F2: variants seen among roughly 807,000 people sequenced by gnomAD.
The protein encoded by F2 is coagulation factor II, thrombin.
A neutral mutation model predicts 81.9 loss-of-function variants in F2; 34 were observed. The ratio of observed to expected loss-of-function variants is 0.42; its 90% CI spans 0.32 to 0.55. The LOEUF is 0.55. Among genes scored for constraint, F2 ranks in the 20% least tolerant of loss-of-function variants. The pLI is 0.18. For synonymous variants in F2, 296 were observed against 326.4 expected (o/e 0.91, Z 1.01); for missense variants, 630 against 833.4 (o/e 0.76, Z 3.00).
At chr11:46,738,918 T>C in intron 12 of F2, 130 bp from the exon 13 acceptor site, 1 of 892,570 alleles carries the variant, frequency 1.1e-6, no homozygotes, top group Non-Finnish European at 1.9e-6. Flanking sequence ...ATTGGATGGG[T>C]AGGGTGAGGA....
chr11:46,730,240 C>T (rs977091854), intron 12 of F2, among the ~76,000 whole-genome samples: 2 of 152,072 alleles, frequency 1.3e-5, no homozygotes, highest in Admixed American at 6.6e-5. Flanking sequence ...GCGGAGGTTG[C>T]AGTGAGCTGA....
At position 46,723,047 on chromosome 11, in the gene F2, A is replaced by G; in HGVS notation, c.317-133A>G. On this transcript the variant is annotated intron_variant, in intron 4 of 13. Coordinates refer to ENST00000311907, the MANE Select transcript of F2 (RefSeq NM_000506.5). This position sits in a 1 kb window ranked among gnomAD's most constrained non-coding sequence, Gnocchi z 5.6. ...ATGGGAGAACTGCTGGTTGCAGAGGAAGAGGGGCTGGGTGAATGCAGGTTC... is the reference window on the plus strand; with the variant it reads ...ATGGGAGAACTGCTGGTTGCAGAGGGAGAGGGGCTGGGTGAATGCAGGTTC... 1.2e-6 allele frequency: 1 copy of G among 810,304 alleles called. No homozygotes were observed. The highest frequency in any genetic ancestry group is 2.2e-6 in the Non-Finnish European group (1 of 451,600). 50.2% of individuals were successfully genotyped at this position (810,304 alleles called of 1,614,324 possible). A position where few individuals can be genotyped will look rare whatever the true frequency, so the allele number is the denominator to read the frequency against.
In F2 at chr11:46,723,369, T is replaced by C. The variant is rs767205473; in HGVS notation, c.423-13T>C. On this transcript the variant is annotated splice_polypyrimidine_tract_variant and intron_variant, in intron 5 of 13. Coordinates refer to ENST00000311907, the MANE Select transcript of F2 (RefSeq NM_000506.5). This position sits in a 1 kb window ranked among gnomAD's most constrained non-coding sequence, Gnocchi z 5.6. ...AGCCCAACAGCCTCCTGTTGGGCAA[T>C]TTCCTGTTCCAGAATCAACTCCACT... 6.2e-7 allele frequency: 1 copy of C among 1,613,350 alleles called. No homozygotes were observed. Among genetic ancestry groups the C allele is most frequent in the Non-Finnish European group, 8.5e-7 (1 of 1,179,466 alleles).
intron 2 of F2, chr11:46,720,317 T>G (rs937671360): frequency 6.3e-6 from 4 of 632,146 alleles, no homozygotes; most frequent in Non-Finnish European, 1.1e-5. Flanking sequence ...TCTTTCAGTC[T>G]CGGTGTGTGT....
chr11:46,724,208 C>T (rs2064857469), intron 6 of F2, among the ~76,000 whole-genome samples: 1 of 152,140 alleles, frequency 6.6e-6, no homozygotes, highest in Admixed American at 6.5e-5. Context: ...TTATTATTTC[C>T]TTGGTGTGTT....
Position 46,726,952 on chromosome 11 carries a change from T to A in F2, c.1130+115T>A, listed in dbSNP as rs886725703. 15 of 1,523,274 alleles carry A rather than the reference T, an allele frequency of 9.8e-6. No homozygotes were observed. The highest frequency in any genetic ancestry group is 1.3e-5 in the Non-Finnish European group (15 of 1,113,776). The allele number at this position is 1,523,274 out of a possible 1,614,324, so 94.4% of individuals were successfully genotyped here. On this transcript the variant is annotated intron_variant, in intron 9 of 13. Coordinates refer to ENST00000311907, the MANE Select transcript of F2 (RefSeq NM_000506.5). The surrounding 1 kb of genome is among the most constrained non-coding windows in gnomAD (Gnocchi z 5.9). ...CTTTACAGATGACAACAGCTGAGCA[T>A]CCAGGATCCCACCAACTCCACACAG...
chr11:46,730,469 G>A (rs2064904345), intron 12 of F2, among the ~76,000 whole-genome samples: 1 of 151,704 alleles, frequency 6.6e-6, no homozygotes, highest in African/African-American at 2.4e-5. Flanking sequence ...GCCCTGAGGT[G>A]GGAGCACTCT....
At position 46,728,066 on chromosome 11, in the gene F2, G is replaced by A. The variant is rs2064887165; in HGVS notation, c.1201G>A (p.Val401Ile). ...CGASLISDRW[V>I]LTAAHCLLYP... ...GGCCAGCCTCATCAGTGACCGCTGG[G>A]TCCTCACCGCCGCCCACTGCCTCCT... is the stretch of plus-strand genomic sequence containing the variant. Residue 401 changes from valine to isoleucine, a missense_variant, in exon 10 of 14, where the codon GTC (valine) becomes ATC (isoleucine). Transcript: ENST00000311907. This position sits in a 1 kb window ranked among gnomAD's most constrained non-coding sequence, Gnocchi z 5.1. 3 of 1,610,836 alleles carry A rather than the reference G, an allele frequency of 1.9e-6. No individual in the cohort carries two copies. In the East Asian group the frequency reaches 6.7e-5, roughly 36 times the overall value.
chr11:46,723,145 A>G lies in F2; in HGVS notation c.317-35A>G, dbSNP rs1175345596. 1 of 1,589,188 alleles carries G rather than the reference A, an allele frequency of 6.3e-7. No individual in the cohort carries two copies. ...GCAGGGAGAGAGGAAATAAGTCCCC[A>G]GGCTCCAAGGCTGACCGGGGTGGGG... is the stretch of plus-strand genomic sequence containing the variant. On this transcript the variant is annotated intron_variant, in intron 4 of 13. Transcript: ENST00000311907. The surrounding 1 kb of genome is among the most constrained non-coding windows in gnomAD (Gnocchi z 5.6).
At chr11:46,732,645 C>T (rs999127301) in intron 12 of F2, among the ~76,000 whole-genome samples, 4 of 152,016 alleles carry the variant, frequency 2.6e-5, no homozygotes, top group South Asian at 2.1e-4. Context: ...GTGATCCGCC[C>T]GCCTCAGCCT....
rs571418130 is a variant in F2 at position 46,728,457 on chromosome 11, G to A, written c.1299-207G>A. On this transcript the variant is annotated intron_variant, in intron 10 of 13. Coordinates refer to ENST00000311907, the MANE Select transcript of F2 (RefSeq NM_000506.5). The surrounding 1 kb of genome is among the most constrained non-coding windows in gnomAD (Gnocchi z 5.1). ...GCGTGCAGCCTGTGCCCCTGTCCCCGTCCTCCAGGCTGTCTGACTCCAAAG... is the reference window on the plus strand; with the variant it reads ...GCGTGCAGCCTGTGCCCCTGTCCCCATCCTCCAGGCTGTCTGACTCCAAAG... Among the ~76,000 whole-genome samples, 2 of 152,212 alleles carry A rather than the reference G, an allele frequency of 1.3e-5. No individual in the cohort carries two copies. Among genetic ancestry groups the A allele is most frequent in the Admixed American group, 6.5e-5 (1 of 15,298 alleles).
chr11:46,720,811 C>T lies in F2; in HGVS notation c.287C>T (p.Pro96Leu). 6.2e-7 allele frequency: 1 copy of T among 1,614,066 alleles called. No individual in the cohort carries two copies. The highest frequency in any genetic ancestry group is 8.5e-7 in the Non-Finnish European group (1 of 1,180,044). ...KYTACETART[P>L]RDKLAACLEG... ...CCAGCTTGTGAGACAGCGAGGACGCCTCGAGATAAGCTTGCTGCATGTCTG... is the reference window on the plus strand; with the variant it reads ...CCAGCTTGTGAGACAGCGAGGACGCTTCGAGATAAGCTTGCTGCATGTCTG... Residue 96 changes from proline (P) to leucine (L), a missense_variant, in exon 4 of 14, where the codon CCT becomes CTT. Physicochemically the swap from Pro to Leu is moderately conservative, Grantham distance 98. Coordinates refer to ENST00000311907, the MANE Select transcript of F2 (RefSeq NM_000506.5).
chr11:46,737,713 C>A (rs1365910499), intron 12 of F2, among the ~76,000 whole-genome samples: 1 of 152,118 alleles, frequency 6.6e-6, no homozygotes, highest in African/African-American at 2.4e-5. Flanking sequence ...GCTGGTATTA[C>A]GGGCGTGAGC....
Position 46,719,849 on chromosome 11 carries a change from C to G in F2, c.227C>G (p.Ser76Cys), listed in dbSNP as rs1358843502. ...SYEEAFEALE[S>C]STATDVFWAK... ...GAGGAGGCCTTCGAGGCTCTGGAGT[C>G]CTCCACGGCTACGGTGAGCCTGGGC... The change falls in exon 2 of 14, where the codon TCC (serine) becomes TGC (cysteine). Residue 76 changes from serine (S) to cysteine (C), a missense_variant. Physicochemically the swap from Ser to Cys is moderately radical, Grantham distance 112. Transcript: ENST00000311907. This position sits in a 1 kb window ranked among gnomAD's most constrained non-coding sequence, Gnocchi z 4.7. 5.1e-6 allele frequency: 8 copies of G among 1,570,702 alleles called. No individual in the cohort carries two copies. In the Admixed American group the frequency reaches 1.1e-4, roughly 22 times the overall value.
Position 46,725,906 on chromosome 11 carries a change from A to C in F2, c.607A>C (p.Ser203Arg). Residue 203 changes from serine (S) to arginine (R), a missense_variant, in exon 7 of 14, where the codon AGT (serine) becomes CGT (arginine). Coordinates refer to ENST00000311907, the MANE Select transcript of F2 (RefSeq NM_000506.5). ...GATGACTCCACGCTCCGAAGGCTCC[A>C]GTGTGAATCTGTCACCTCCATTGGA... The part of the protein sequence containing the change: ...VAMTPRSEGS[S>R]VNLSPPLEQC... 6.2e-7 allele frequency: 1 copy of C among 1,613,710 alleles called. No individual in the cohort carries two copies. Among genetic ancestry groups the C allele is most frequent in the African/African-American group, 1.3e-5 (1 of 75,036 alleles).
chr11:46,727,324 T>C (rs2064880956), intron 9 of F2, among the ~76,000 whole-genome samples: 1 of 151,764 alleles, frequency 6.6e-6, no homozygotes, highest in Non-Finnish European at 1.5e-5. Context: ...ACCCGGCCCA[T>C]GGGTCCTTTA....
chr11:46,728,192 G>C lies in F2; in HGVS notation c.1298+29G>C. ...CAGAACTGGTGGCCCGTGGGTGTCT[G>C]GCAGGGGTCTGAGTCCTCCAAAGCG... On this transcript the variant is annotated intron_variant, in intron 10 of 13. Coordinates refer to ENST00000311907, the MANE Select transcript of F2 (RefSeq NM_000506.5). This position sits in a 1 kb window ranked among gnomAD's most constrained non-coding sequence, Gnocchi z 5.1. The C allele has an allele frequency of 6.3e-7, 1 of 1,597,594 alleles. No individual in the cohort carries two copies. The highest frequency in any genetic ancestry group is 8.5e-7 in the Non-Finnish European group (1 of 1,172,418).
Position 46,723,569 on chromosome 11 carries a change from G to C in F2, c.559+51G>C, listed in dbSNP as rs1269748634. The C allele has an allele frequency of 6.4e-7, 1 of 1,567,250 alleles. No homozygotes were observed. The highest frequency in any genetic ancestry group is 1.4e-5 in the African/African-American group (1 of 73,974). ...CATGGCCAAGGCCCGGGGGCTTCAT[G>C]GGGCCTGGCAGCCTGGGATGGGAAC... On this transcript the variant is annotated intron_variant, in intron 6 of 13. Coordinates refer to ENST00000311907, the MANE Select transcript of F2 (RefSeq NM_000506.5). This position sits in a 1 kb window ranked among gnomAD's most constrained non-coding sequence, Gnocchi z 5.6.
intron 12 of F2, 28 bp from the exon 13 acceptor site, chr11:46,739,020 T>C (rs1238402224): frequency 1.2e-6 from 2 of 1,612,464 alleles, no homozygotes; most frequent in Non-Finnish European, 1.7e-6. Context: ...GCTATGCTCC[T>C]GAGCACAGAC....
Sources: allele counts gnomAD v4.1 joint callset (sites outside exome capture counted in the v4.1 genomes callset), GRCh38; gene constraint gnomAD v4.1.1; non-coding constraint Gnocchi (gnomAD v3.1); transcripts MANE v1.5; gene names NCBI Gene and HGNC (gene_info 2026-07-23, HGNC 2026-07-21).